The following RIDA variants were observed in gnomAD, a reference collection of about 807,000 sequenced individuals.
The protein encoded by RIDA is 2-iminobutanoate/2-iminopropanoate deaminase.
RIDA carries 17 observed loss-of-function variants against 17.8 expected under a neutral mutation model. The observed-to-expected ratio is 0.96, with a 90% confidence interval of 0.65 to 1.43. RIDA has a LOEUF of 1.43. Ranked by LOEUF, RIDA falls within the 40% of genes most tolerant of loss-of-function variation. RIDA has a pLI of 0.00. For synonymous variants in RIDA, 48 were observed against 55.7 expected (o/e 0.86, Z 0.62); for missense variants, 158 against 161.7 (o/e 0.98, Z 0.12).
At chr8:98,106,100 A>C in intron 3 of RIDA, 94 bp from the exon 4 acceptor site, 1 of 1,142,752 alleles carries the variant, frequency 8.8e-7, no homozygotes, top group Non-Finnish European at 1.3e-6. Context: ...GACTGTCTTG[A>C]TTAAAATGGG....
chr8:98,103,844 G>T (rs1371169169), intron 5 of RIDA, among the ~76,000 whole-genome samples: 4 of 151,686 alleles, frequency 2.6e-5, no homozygotes, highest in Non-Finnish European at 4.4e-5. Flanking sequence ...TTCACCATGT[G>T]AGCCAGGATG....
intron 4 of RIDA, among the ~76,000 whole-genome samples, chr8:98,105,120 C>CAAAAAAAAAAAAA (rs11354936): frequency 1.1e-5 from 1 of 88,058 alleles, no homozygotes; most frequent in Non-Finnish European, 2.1e-5. Context: ...AGCTTTCTGG[C>CAAAAAAAAAAAAA]AAAAAAAAAA....
chr8:98,116,650 C>T (rs1322601596), intron 1 of RIDA, among the ~76,000 whole-genome samples: 4 of 147,752 alleles, frequency 2.7e-5, no homozygotes, highest in Non-Finnish European at 4.5e-5. Flanking sequence ...TGAGTATGGT[C>T]AAAACCACTG....
chr8:98,105,138 A>G (rs941788200), intron 4 of RIDA, among the ~76,000 whole-genome samples: 5 of 151,602 alleles, frequency 3.3e-5, no homozygotes, highest in Non-Finnish European at 7.4e-5. Flanking sequence ...AAAAAAAAAA[A>G]AAAAAAGAAA....
Position 98,104,520 on chromosome 8 carries a change from C to A in RIDA, c.320G>T (p.Arg107Ile). Residue 107 changes from arginine (R) to isoleucine (I), a missense_variant, in exon 5 of 6, where the codon AGA (arginine) becomes ATA (isoleucine). Transcript: ENST00000254878. The stretch of plus-strand genomic sequence containing the variant: ...TAAAGCAGCAACTTGGTAAGCAGCT[C>A]TAGCAGGAAAATTACTCTTGAAATC... ...KQYFKSNFPA[R>I]AAYQVAALPK... 1 of 1,592,770 alleles carries A rather than the reference C, an allele frequency of 6.3e-7. No individual in the cohort carries two copies. The highest frequency in any genetic ancestry group is 1.1e-5 in the South Asian group (1 of 90,248).
intron 4 of RIDA, among the ~76,000 whole-genome samples, 171 bp from the exon 5 acceptor site, chr8:98,104,715 T>C (rs904903154): frequency 2.0e-5 from 3 of 152,130 alleles, no homozygotes; most frequent in African/African-American, 7.2e-5. Flanking sequence ...GCAACATTTA[T>C]TTTTATTTTT....
intron 1 of RIDA, among the ~76,000 whole-genome samples, chr8:98,114,413 C>T (rs1216185034): frequency 1.3e-5 from 2 of 151,526 alleles, no homozygotes; most frequent in African/African-American, 4.9e-5. Context: ...GCGACCTCTG[C>T]CTTCCAGGTT....
At position 98,112,503 on chromosome 8, in the gene RIDA, T is replaced by C. The variant is rs1403556012; in HGVS notation, c.66-3752A>G. Among the ~76,000 whole-genome samples the C allele has an allele frequency of 3.3e-5, 5 of 152,338 alleles. 1 individual carries two copies. The highest frequency in any genetic ancestry group is 7.2e-5 in the African/African-American group (3 of 41,588). On this transcript the variant is annotated intron_variant, in intron 1 of 5. Transcript: ENST00000254878. ...TAACCACTTAGTAGCATAAACAATTTTGGTTGTCAGTGAATCTCTTTTTAG... is the reference window on the plus strand; with the variant it reads ...TAACCACTTAGTAGCATAAACAATTCTGGTTGTCAGTGAATCTCTTTTTAG...
At chr8:98,111,722 T>C (rs565944282) in intron 1 of RIDA, among the ~76,000 whole-genome samples, 26 of 152,322 alleles carry the variant, frequency 1.7e-4, no homozygotes, top group African/African-American at 4.6e-4. Context: ...TTTTCCAACA[T>C]GCTCCAAACT....
intron 1 of RIDA, among the ~76,000 whole-genome samples, chr8:98,111,144 A>C (rs1325330047): frequency 6.6e-6 from 1 of 152,204 alleles, no homozygotes; most frequent in East Asian, 1.9e-4. Flanking sequence ...GAGGATGCTA[A>C]ATTTCAGAAG....
At chr8:98,103,568 C>G (rs1815589077) in intron 5 of RIDA, among the ~76,000 whole-genome samples, 1 of 152,094 alleles carries the variant, frequency 6.6e-6, no homozygotes, top group Non-Finnish European at 1.5e-5. Flanking sequence ...AACTCACAAA[C>G]AAACCTGGCT....
rs374507423 is a variant in RIDA, at chr8:98,115,964, T to A, written c.65+1068A>T. Reference sequence around the variant, plus strand: ...AACAAACAAACAAAAAAGACAGAAGTAGCACTTGAATTATGAAAACTTTCT... The same window carrying A: ...AACAAACAAACAAAAAAGACAGAAGAAGCACTTGAATTATGAAAACTTTCT... On this transcript the variant is annotated intron_variant, in intron 1 of 5. Coordinates refer to ENST00000254878, the MANE Select transcript of RIDA (RefSeq NM_005836.3). Among the ~76,000 whole-genome samples, 193 of 152,234 alleles carry A rather than the reference T, an allele frequency of 1.3e-3. 5 individuals are homozygous for A. The South Asian group carries it at 0.038, about 30-fold the overall frequency.
At chr8:98,116,999 T>G (rs1340766733) in intron 1 of RIDA, 33 bp downstream of exon 1, 4 of 1,589,008 alleles carry the variant, frequency 2.5e-6, no homozygotes, top group Non-Finnish European at 3.5e-6. Context: ...CCGCACGCCC[T>G]GGGTCCGACA....
chr8:98,114,470 A>T (rs1478713487), intron 1 of RIDA, among the ~76,000 whole-genome samples: 1 of 150,726 alleles, frequency 6.6e-6, no homozygotes. Context: ...GATTACAGGC[A>T]TACGCCACTA....
intron 3 of RIDA, 93 bp from the exon 4 acceptor site, chr8:98,106,099 G>T: frequency 1.8e-6 from 2 of 1,136,088 alleles, no homozygotes; most frequent in Non-Finnish European, 1.3e-6. Flanking sequence ...AGACTGTCTT[G>T]ATTAAAATGG....
intron 2 of RIDA, 34 bp from the exon 3 acceptor site, chr8:98,106,360 G>A (rs1360433591): frequency 1.3e-6 from 2 of 1,560,452 alleles, no homozygotes; most frequent in East Asian, 2.2e-5. Context: ...CTAAGTCACT[G>A]ATGTTAGATT....
In RIDA at chr8:98,108,740, A is replaced by C; in HGVS notation, c.77T>G (p.Leu26Ter). 6.2e-7 allele frequency: 1 copy of C among 1,608,586 alleles called. No homozygotes were observed. Among genetic ancestry groups the C allele is most frequent in the Non-Finnish European group, 8.5e-7 (1 of 1,175,010 alleles). Residue 26 changes from leucine to a stop codon, truncating the protein, a stop_gained, in exon 2 of 6, where the codon TTA becomes TGA. Coordinates refer to ENST00000254878, the MANE Select transcript of RIDA (RefSeq NM_005836.3). LOFTEE classifies it high-confidence loss of function. The part of the protein sequence containing the change: ...GAIGPYSQAV[L>*]VDRTIYISGQ... ...TGAAATGTAAATGGTCCTGTCGACT[A>C]ATACAGCTTGACTGCAATAAACAGA...
intron 1 of RIDA, among the ~76,000 whole-genome samples, chr8:98,115,595 T>C (rs1312325343): frequency 1.3e-5 from 2 of 151,570 alleles, no homozygotes; most frequent in African/African-American, 4.8e-5. Flanking sequence ...CTCACTATGT[T>C]GCCCAGGCTG....
intron 2 of RIDA, 73 bp from the exon 3 acceptor site, chr8:98,106,399 T>C (rs1207653640): frequency 2.8e-5 from 35 of 1,249,236 alleles, no homozygotes; most frequent in Non-Finnish European, 4.0e-5. Context: ...CAATTAATCA[T>C]CTTTTACTAA....
Sources: gnomAD v4.1 joint callset for allele counts (sites outside exome capture counted in the v4.1 genomes callset) on GRCh38, gnomAD v4.1.1 for gene constraint, MANE v1.5 for transcripts, NCBI Gene and HGNC (gene_info 2026-07-23, HGNC 2026-07-21) for gene names.